Variants in CDYL observed in about 807,000 individuals in gnomAD.
The protein encoded by CDYL is chromodomain Y-like protein.
Under a neutral mutation model 47.3 loss-of-function variants are expected in CDYL, and 8 were observed. That is an observed-to-expected ratio of 0.17 (90% CI 0.10 to 0.31). The LOEUF is 0.31. Ranked by LOEUF, CDYL falls within the 10% of genes least tolerant of loss-of-function variation. The pLI is 1.00. For missense variants in CDYL, 471 were observed against 701.4 expected, an observed-to-expected ratio of 0.67 and a Z score of 3.71; for synonymous variants, 266 against 265.0, an observed-to-expected ratio of 1.00 and a Z score of -0.04.
intron 1 of CDYL, among the ~76,000 whole-genome samples, chr6:4,782,421 C>T (rs1758641412): frequency 6.6e-6 from 1 of 152,162 alleles, no homozygotes; most frequent in African/African-American, 2.4e-5. Flanking sequence ...GAGGTTCCTC[C>T]TCCCCTAAGC....
At chr6:4,723,210 ATAT>A (rs1757405092) in intron 2 of CDYL, among the ~76,000 whole-genome samples, 1 of 152,182 alleles carries the variant, frequency 6.6e-6, no homozygotes. Context: ...ATGGCAGTAG[ATAT>A]TAAGAAATTT....
chr6:4,846,844 G>T (rs62386593), intron 1 of CDYL, among the ~76,000 whole-genome samples: 5 of 152,112 alleles, frequency 3.3e-5, no homozygotes, highest in African/African-American at 4.8e-5. Flanking sequence ...GACTGTTTTA[G>T]GCAAACCAAG....
chr6:4,952,681 T>C (rs1758743993), intron 6 of CDYL, among the ~76,000 whole-genome samples: 1 of 152,128 alleles, frequency 6.6e-6, no homozygotes, highest in South Asian at 2.1e-4. Flanking sequence ...ACAACTAACA[T>C]GGATATAATT....
At chr6:4,904,627 A>G (rs977146958) in intron 2 of CDYL, among the ~76,000 whole-genome samples, 4 of 152,342 alleles carry the variant, frequency 2.6e-5, no homozygotes, top group Non-Finnish European at 5.9e-5. Flanking sequence ...GTTTGTGCTT[A>G]AAAAGAACTT....
At chr6:4,933,852 G>A (rs967635196) in intron 2 of CDYL, among the ~76,000 whole-genome samples, 5 of 152,132 alleles carry the variant, frequency 3.3e-5, no homozygotes, top group Admixed American at 2.6e-4. Context: ...TGGTCATATC[G>A]ACAAGTCACT....
chr6:4,852,717 A>AT, intron 1 of CDYL, among the ~76,000 whole-genome samples: 2 of 151,710 alleles, frequency 1.3e-5, no homozygotes, highest in East Asian at 3.9e-4. Flanking sequence ...TGGGTTTGTG[A>AT]TTTTTATTTG....
chr6:4,852,581 A>C (rs1244854539), intron 1 of CDYL, among the ~76,000 whole-genome samples: 2 of 91,830 alleles, frequency 2.2e-5, no homozygotes, highest in Non-Finnish European at 4.1e-5. Flanking sequence ...CCTTCCTTCC[A>C]ATCTTCCTTC....
chr6:4,851,847 G>A (rs1760838258), intron 1 of CDYL, among the ~76,000 whole-genome samples: 1 of 152,206 alleles, frequency 6.6e-6, no homozygotes. Flanking sequence ...GGACTGAGGA[G>A]TGCTGAATCT....
In CDYL at chr6:4,785,778, G is replaced by C. The variant is rs999121175; in HGVS notation, c.24+8971G>C. 1.3e-5 allele frequency among the ~76,000 whole-genome samples: 2 copies of C among 152,304 alleles called. 1 individual carries two copies. The highest frequency in any genetic ancestry group is 4.1e-4 in the South Asian group (2 of 4,824). Reference sequence around the variant, plus strand: ...GGCATTATGTACTTGGACTTGACTGGCACCTTTAGCATGTTAGAAACAGGT... The same window carrying C: ...GGCATTATGTACTTGGACTTGACTGCCACCTTTAGCATGTTAGAAACAGGT... On this transcript the variant is annotated intron_variant, in intron 1 of 6. Transcript: ENST00000397588.
At chr6:4,828,232 G>GTT (rs571294927) in intron 1 of CDYL, among the ~76,000 whole-genome samples, 4 of 134,482 alleles carry the variant, frequency 3.0e-5, no homozygotes, top group South Asian at 2.5e-4. Context: ...CTTTTAACAG[G>GTT]TTTTTTTTTT....
chr6:4,944,501 G>C (rs1027777753), intron 5 of CDYL, among the ~76,000 whole-genome samples: 10 of 152,186 alleles, frequency 6.6e-5, no homozygotes, highest in Admixed American at 6.5e-4. Context: ...CCCTGTGGCC[G>C]TCTGCTAACA....
intron 1 of CDYL, among the ~76,000 whole-genome samples, chr6:4,841,743 T>C (rs1019339723): frequency 3.3e-5 from 5 of 152,034 alleles, no homozygotes; most frequent in Non-Finnish European, 5.9e-5. Flanking sequence ...TTTATTCCAC[T>C]GTGGTCTGAA....
intron 2 of CDYL, among the ~76,000 whole-genome samples, chr6:4,905,946 A>G (rs1010688842): frequency 3.3e-5 from 5 of 152,218 alleles, no homozygotes; most frequent in East Asian, 1.9e-4. Context: ...GGACCTTTCT[A>G]CTGTCAACAG....
chr6:4,945,813 T>C (rs1758496816), intron 5 of CDYL, among the ~76,000 whole-genome samples: 1 of 152,166 alleles, frequency 6.6e-6, no homozygotes, highest in African/African-American at 2.4e-5. Flanking sequence ...GACTCTCGGG[T>C]CCTGTCCCCT....
upstream of CDYL, among the ~76,000 whole-genome samples, chr6:4,775,763 C>T (rs1194240154): frequency 6.7e-6 from 1 of 148,598 alleles, no homozygotes; most frequent in Non-Finnish European, 1.5e-5. This position sits in a 1 kb window ranked among gnomAD's most constrained non-coding sequence, Gnocchi z 7.0. Context: ...TTGGCGGCGG[C>T]CGGTGGGGCG....
chr6:4,817,956 A>G (rs1178192871), intron 1 of CDYL, among the ~76,000 whole-genome samples: 1 of 152,220 alleles, frequency 6.6e-6, no homozygotes, highest in Non-Finnish European at 1.5e-5. Flanking sequence ...GTAGCTATTT[A>G]CATTTAATAT....
chr6:4,911,128 A>G (rs899030357), intron 2 of CDYL, among the ~76,000 whole-genome samples: 5 of 152,326 alleles, frequency 3.3e-5, no homozygotes, highest in South Asian at 2.1e-4. Flanking sequence ...GCCCAGCCGA[A>G]AAAGGATTTT....
intron 2 of CDYL, among the ~76,000 whole-genome samples, chr6:4,722,509 G>C (rs780758355): frequency 2.6e-5 from 4 of 152,152 alleles, no homozygotes; most frequent in Non-Finnish European, 5.9e-5. Flanking sequence ...TTTAAAAAGA[G>C]TACGTGCCAC....
At chr6:4,850,136 A>G (rs1760780985) in intron 1 of CDYL, among the ~76,000 whole-genome samples, 1 of 152,218 alleles carries the variant, frequency 6.6e-6, no homozygotes, top group African/African-American at 2.4e-5. Context: ...CACATAGGAT[A>G]ACTGTATTTG....
Sources: gnomAD v4.1 joint callset for allele counts (sites outside exome capture counted in the v4.1 genomes callset) on GRCh38, gnomAD v4.1.1 for gene constraint, Gnocchi (gnomAD v3.1) non-coding constraint, MANE v1.5 for transcripts, NCBI Gene and HGNC (gene_info 2026-07-23, HGNC 2026-07-21) for gene names.